The following SMCO4 variants were observed in gnomAD, a reference collection of about 807,000 sequenced individuals.
SMCO4 encodes single-pass membrane protein with coiled-coil domains 4, also known as single-pass membrane and coiled-coil domain-containing protein 4.
In SMCO4, 4 loss-of-function variants were observed where a neutral mutation model predicts 3.6. The observed-to-expected ratio is 1.11, with a 90% confidence interval of 0.54 to 2.53. SMCO4 has a LOEUF of 2.53. SMCO4 is among the 30% of genes most tolerant of loss of function. SMCO4 has a pLI of 0.02. For synonymous variants in SMCO4, 36 were observed against 35.3 expected (o/e 1.02, Z -0.07); for missense variants, 70 against 80.8 (o/e 0.87, Z 0.51).
chr11:93,529,610 G>C (rs562055735), intron 1 of SMCO4, among the ~76,000 whole-genome samples: 1 of 152,182 alleles, frequency 6.6e-6, no homozygotes, highest in South Asian at 2.1e-4. Context: ...CTTCCCCCGA[G>C]CCCTCATTAC....
intron 1 of SMCO4, among the ~76,000 whole-genome samples, chr11:93,533,687 T>C (rs1296989457): frequency 1.3e-5 from 2 of 152,096 alleles, no homozygotes; most frequent in African/African-American, 2.4e-5. Context: ...GCAGGAGCAA[T>C]GGTATTGGAA....
chr11:93,514,413 T>TATATATATATACAC (rs781423008), intron 1 of SMCO4, among the ~76,000 whole-genome samples: 384 of 33,838 alleles, frequency 0.011, 33 homozygotes, highest in Non-Finnish European at 0.019. Context: ...TATATATATA[T>TATATATATATACAC]ATATATATAA....
intron 2 of SMCO4, among the ~76,000 whole-genome samples, chr11:93,494,475 T>C (rs1023687338): frequency 2.0e-5 from 3 of 152,180 alleles, no homozygotes; most frequent in East Asian, 1.9e-4. Context: ...CTCACTGACG[T>C]TGCACTGTCA....
At chr11:93,530,794 C>T (rs1172599481) in intron 1 of SMCO4, among the ~76,000 whole-genome samples, 1 of 152,142 alleles carries the variant, frequency 6.6e-6, no homozygotes, top group Non-Finnish European at 1.5e-5. Flanking sequence ...CCTTCTCCAG[C>T]CCCAAGTGCA....
chr11:93,478,594 A>G lies in SMCO4; in HGVS notation c.*416T>C, dbSNP rs2134560199. The G allele has an allele frequency of 1.2e-5, 2 of 163,012 alleles. No individual in the cohort carries two copies. Among genetic ancestry groups the G allele is most frequent in the South Asian group, 3.9e-4 (2 of 5,184 alleles). The allele number at this position is 163,012 out of a possible 1,614,324, so 10.1% of individuals were successfully genotyped here. The stretch of plus-strand genomic sequence containing the variant: ...TTGGAGATTGTGAACACGTGTTGGA[A>G]AGAAGCATGATCCAAACAATGGGAA... On this transcript the variant is annotated 3_prime_UTR_variant, in exon 3 of 3. Coordinates refer to ENST00000298966, the MANE Select transcript of SMCO4 (RefSeq NM_020179.3).
intron 2 of SMCO4, chr11:93,481,367 G>T: frequency 1.1e-6 from 1 of 934,448 alleles, no homozygotes; most frequent in Non-Finnish European, 1.3e-6. Flanking sequence ...CATACCCGTG[G>T]GCGGCCCAGG....
At chr11:93,547,027 C>T (rs574574960), upstream of SMCO4, among the ~76,000 whole-genome samples, 3 of 152,292 alleles carry the variant, frequency 2.0e-5, no homozygotes, top group Non-Finnish European at 2.9e-5. Flanking sequence ...TTCTGTGGTA[C>T]ATTATTTGGG....
At chr11:93,521,505 A>G (rs1949058363) in intron 1 of SMCO4, among the ~76,000 whole-genome samples, 1 of 152,340 alleles carries the variant, frequency 6.6e-6, no homozygotes, top group Middle Eastern at 3.4e-3. Flanking sequence ...AGTCAGGCTT[A>G]AAAAAGTTAC....
rs1254792154 is a variant in SMCO4 at position 93,478,971 on chromosome 11, CCT to C, written c.*37_*38del. 6.4e-7 allele frequency: 1 copy of C among 1,574,700 alleles called. No individual in the cohort carries two copies. Among genetic ancestry groups the C allele is most frequent in the Admixed American group, 1.7e-5 (1 of 57,348 alleles). ...TTGTTTGCGTCCCCCTCCCGCGCCTCCTCTCCCTGCCGATGGGGTCCGCAGCC... is the reference window on the plus strand; with the variant it reads ...TTGTTTGCGTCCCCCTCCCGCGCCTCCTCCCTGCCGATGGGGTCCGCAGCC... On this transcript the variant is annotated 3_prime_UTR_variant, in exon 3 of 3. Transcript: ENST00000298966.
chr11:93,550,292 T>G, the SMCO4 span, among the ~76,000 whole-genome samples: 1 of 152,066 alleles, frequency 6.6e-6, no homozygotes, highest in Non-Finnish European at 1.5e-5. Context: ...TCTAACTCCT[T>G]TCAGAATTTT....
chr11:93,478,754 T>TGC lies in SMCO4; in HGVS notation c.*254_*255dup, dbSNP rs1948550641. On this transcript the variant is annotated 3_prime_UTR_variant, in exon 3 of 3. Coordinates refer to ENST00000298966, the MANE Select transcript of SMCO4 (RefSeq NM_020179.3). ...ACACACACACACACACACACACACATGCGCGCGCGCTTTGAAGTCTGAAAG... is the reference window on the plus strand; with the variant it reads ...ACACACACACACACACACACACACATGCGCGCGCGCGCTTTGAAGTCTGAAAG... The TGC allele has an allele frequency of 8.5e-6, 4 of 467,920 alleles. No homozygotes were observed. The highest frequency in any genetic ancestry group is 4.9e-5 in the East Asian group (1 of 20,354). 29.0% of individuals were successfully genotyped at this position (467,920 alleles called of 1,614,324 possible).
intron 1 of SMCO4, among the ~76,000 whole-genome samples, chr11:93,536,619 G>C (rs971109404): frequency 6.6e-6 from 1 of 152,114 alleles, no homozygotes; most frequent in Non-Finnish European, 1.5e-5. Flanking sequence ...TTCAGGACAC[G>C]GATCCAACTG....
At chr11:93,525,450 G>C (rs1949097595) in intron 1 of SMCO4, among the ~76,000 whole-genome samples, 1 of 152,054 alleles carries the variant, frequency 6.6e-6, no homozygotes, top group Admixed American at 6.5e-5. Flanking sequence ...TTGATTCCTT[G>C]AAAGAAAAAA....
chr11:93,496,341 G>A (rs1253552826), intron 2 of SMCO4, among the ~76,000 whole-genome samples: 1 of 152,118 alleles, frequency 6.6e-6, no homozygotes, highest in Admixed American at 6.5e-5. Context: ...AGAAAAAGAT[G>A]AGTATTAACA....
At chr11:93,506,809 C>T (rs1193643636) in intron 1 of SMCO4, among the ~76,000 whole-genome samples, 1 of 152,194 alleles carries the variant, frequency 6.6e-6, no homozygotes, top group African/African-American at 2.4e-5. Flanking sequence ...CTTGAGTACA[C>T]ATCTTTTTAA....
At position 93,530,611 on chromosome 11, in the gene SMCO4, C is replaced by T. The variant is rs977634980; in HGVS notation, c.-154+12665G>A. On this transcript the variant is annotated intron_variant, in intron 1 of 2. Transcript: ENST00000298966. Reference sequence around the variant, plus strand: ...TTACTAGAACAAAGGCCACAGTCCACGCAAAGAAGGACCTCTTGATCCTCA... The same window carrying T: ...TTACTAGAACAAAGGCCACAGTCCATGCAAAGAAGGACCTCTTGATCCTCA... 7.2e-5 allele frequency among the ~76,000 whole-genome samples: 11 copies of T among 152,190 alleles called. No individual in the cohort carries two copies. The East Asian group carries it at 9.6e-4, about 13-fold the overall frequency.
chr11:93,489,806 C>T (rs1948693140), intron 2 of SMCO4, among the ~76,000 whole-genome samples: 1 of 151,128 alleles, frequency 6.6e-6, no homozygotes, highest in African/African-American at 2.4e-5. Context: ...TCTCCCCCTC[C>T]ATCCCCAATG....
chr11:93,480,705 G>A (rs1052729018), intron 2 of SMCO4, among the ~76,000 whole-genome samples: 5 of 152,172 alleles, frequency 3.3e-5, no homozygotes, highest in South Asian at 2.1e-4. Flanking sequence ...AGGGTAGTGG[G>A]TGGCCTGTCA....
chr11:93,537,485 G>C (rs1949236721), intron 1 of SMCO4, among the ~76,000 whole-genome samples: 1 of 152,046 alleles, frequency 6.6e-6, no homozygotes. Context: ...CTGCTTGCAG[G>C]GGCACTGCTA....
Sources: allele counts gnomAD v4.1 joint callset (sites outside exome capture counted in the v4.1 genomes callset), GRCh38; gene constraint gnomAD v4.1.1; transcripts MANE v1.5; gene names NCBI Gene and HGNC (gene_info 2026-07-23, HGNC 2026-07-21).